Variants in ERC2 observed in about 807,000 individuals in gnomAD.
ERC2 encodes the protein ERC protein 2.
In ERC2, 42 loss-of-function variants were observed where a neutral mutation model predicts 114.8. The observed-to-expected ratio is 0.37, with a 90% CI of 0.29 to 0.47. The LOEUF (loss-of-function observed/expected upper bound fraction) is 0.47. Among genes scored for constraint, ERC2 ranks in the 20% least tolerant of loss-of-function variants. The probability of loss-of-function intolerance (pLI) is 0.99; values close to 1 mark genes in which losing one functional copy is unlikely to be tolerated. For synonymous variants in ERC2, 454 were observed against 425.5 expected (o/e 1.07, Z -0.82); for missense variants, 939 against 1,150.7 (o/e 0.82, Z 2.66).
intron 3 of ERC2, among the ~76,000 whole-genome samples, chr3:56,211,102 C>A (rs1022234213): frequency 1.4e-4 from 22 of 151,986 alleles, no homozygotes; most frequent in African/African-American, 5.3e-4. Context: ...TCAGCCAGAG[C>A]AATCATACAA....
At chr3:56,324,541 A>C (rs1008908529) in intron 2 of ERC2, among the ~76,000 whole-genome samples, 1 of 152,202 alleles carries the variant, frequency 6.6e-6, no homozygotes, top group African/African-American at 2.4e-5. Flanking sequence ...GTCAAAAATC[A>C]AAGCCAAACC....
intron 3 of ERC2, among the ~76,000 whole-genome samples, chr3:56,204,392 G>A (rs2048583002): frequency 6.6e-6 from 1 of 152,094 alleles, no homozygotes; most frequent in Admixed American, 6.6e-5. Flanking sequence ...ACTATGTAAA[G>A]TCTCACTTTT....
intron 2 of ERC2, among the ~76,000 whole-genome samples, chr3:56,398,728 C>T (rs917079070): frequency 2.0e-5 from 3 of 151,922 alleles, no homozygotes; most frequent in African/African-American, 7.3e-5. Context: ...TCAAGCAATC[C>T]CCTCACCTCA....
At chr3:56,267,615 C>A (rs1213704479) in intron 3 of ERC2, among the ~76,000 whole-genome samples, 59 of 144,058 alleles carry the variant, frequency 4.1e-4, no homozygotes, top group Non-Finnish European at 3.6e-4. Context: ...ACTAAAAATA[C>A]AAAAAAAAAA....
At chr3:56,367,452 C>A (rs952789795) in intron 2 of ERC2, among the ~76,000 whole-genome samples, 1 of 152,012 alleles carries the variant, frequency 6.6e-6, no homozygotes, top group Non-Finnish European at 1.5e-5. Flanking sequence ...CCTGATCTAT[C>A]TCCTTCTGCA....
At chr3:55,846,489 T>A (rs1357503571) in intron 14 of ERC2, among the ~76,000 whole-genome samples, 2 of 152,176 alleles carry the variant, frequency 1.3e-5, no homozygotes, top group Non-Finnish European at 2.9e-5. Context: ...GTAGAAAGAT[T>A]CATATTCTTT....
chr3:56,266,851 C>G (rs1360480321), intron 3 of ERC2, among the ~76,000 whole-genome samples: 1 of 152,178 alleles, frequency 6.6e-6, no homozygotes, highest in Non-Finnish European at 1.5e-5. Flanking sequence ...TACCATATGA[C>G]ACAGCAATCC....
chr3:55,669,713 A>G (rs1418812984), intron 17 of ERC2, among the ~76,000 whole-genome samples: 5 of 152,212 alleles, frequency 3.3e-5, no homozygotes, highest in Non-Finnish European at 5.9e-5. Context: ...TTGGCTGGAC[A>G]GTTTGCTTGA....
chr3:56,086,590 TA>T (rs1360196976), intron 6 of ERC2, among the ~76,000 whole-genome samples: 2 of 151,740 alleles, frequency 1.3e-5, no homozygotes, highest in Admixed American at 1.3e-4. Context: ...ACATCATCTC[TA>T]AAACCAAATA....
intron 13 of ERC2, among the ~76,000 whole-genome samples, chr3:55,891,437 ATTTTTTTTTTT>A (rs869073962): frequency 0.12 from 10,867 of 86,948 alleles, 380 homozygotes; most frequent in South Asian, 0.22. Flanking sequence ...GTCTGGTTCT[ATTTTTTTTTTT>A]TTTTTTTTTT....
intron 14 of ERC2, among the ~76,000 whole-genome samples, chr3:55,863,319 G>A (rs867560557): frequency 9.9e-5 from 15 of 152,010 alleles, no homozygotes; most frequent in African/African-American, 3.4e-4. Flanking sequence ...CTCGACGCCA[G>A]GGCCTCAATA....
intron 1 of ERC2, among the ~76,000 whole-genome samples, chr3:56,449,339 A>G (rs928363010): frequency 3.3e-5 from 5 of 152,210 alleles, no homozygotes; most frequent in African/African-American, 1.2e-4. Context: ...CACAGGCTCC[A>G]GGTGGGCACC....
intron 17 of ERC2, among the ~76,000 whole-genome samples, chr3:55,652,558 T>A (rs569638884): frequency 2.8e-4 from 42 of 152,160 alleles, no homozygotes; most frequent in African/African-American, 8.9e-4. Flanking sequence ...ATTCTCTCTT[T>A]TGCTCCTGTC....
At chr3:55,841,866 C>T (rs148565760) in intron 14 of ERC2, among the ~76,000 whole-genome samples, 335 of 152,244 alleles carry the variant, frequency 2.2e-3, no homozygotes, top group Non-Finnish European at 3.9e-3. Context: ...CTTCAGAGCC[C>T]AACCTCTTAA....
intron 10 of ERC2, among the ~76,000 whole-genome samples, chr3:56,005,171 G>A (rs2072383067): frequency 6.6e-6 from 1 of 152,006 alleles, no homozygotes; most frequent in Admixed American, 6.6e-5. Flanking sequence ...GCATTTAGGA[G>A]ATAGTATAAG....
chr3:56,412,349 C>T (rs2060973657), intron 2 of ERC2, among the ~76,000 whole-genome samples: 1 of 152,178 alleles, frequency 6.6e-6, no homozygotes, highest in Admixed American at 6.5e-5. Flanking sequence ...TTCAAGCCAC[C>T]AAGTTAGTGG....
intron 16 of ERC2, among the ~76,000 whole-genome samples, chr3:55,691,573 A>AAAAAAAAAAT (rs1553631525): frequency 7.5e-5 from 3 of 39,742 alleles, no homozygotes; most frequent in Admixed American, 3.6e-4. Context: ...AAAAAAAAAA[A>AAAAAAAAAAT]ATATATATAT....
At chr3:55,958,256 G>A (rs1290482802) in intron 12 of ERC2, among the ~76,000 whole-genome samples, 2 of 152,144 alleles carry the variant, frequency 1.3e-5, no homozygotes, top group African/African-American at 2.4e-5. Context: ...CTGAAGAGTC[G>A]AGGAGATCTG....
At chr3:56,162,740 C>T (rs1476821512) in intron 4 of ERC2, among the ~76,000 whole-genome samples, 1 of 151,958 alleles carries the variant, frequency 6.6e-6, no homozygotes, top group Non-Finnish European at 1.5e-5. Context: ...TTTGTCATTT[C>T]TGATTGAATT....
Sources: allele counts gnomAD v4.1 joint callset (sites outside exome capture counted in the v4.1 genomes callset), GRCh38; gene constraint gnomAD v4.1.1; transcripts MANE v1.5; gene names NCBI Gene and HGNC (gene_info 2026-07-23, HGNC 2026-07-21).